RAP1GAP2: variants seen among roughly 807,000 people sequenced by gnomAD.
RAP1GAP2 encodes the protein RAP1 GTPase activating protein 2, also known as rap1 GTPase-activating protein 2.
A neutral mutation model predicts 95.0 loss-of-function variants in RAP1GAP2; 27 were observed. That is an observed-to-expected ratio of 0.28 (90% CI 0.21 to 0.39). The LOEUF is 0.39. Ranked by LOEUF, RAP1GAP2 falls within the 10% of genes least tolerant of loss-of-function variation. The pLI is 1.00. For missense variants in RAP1GAP2, 771 were observed against 970.0 expected (o/e 0.79, Z 2.72); for synonymous variants, 373 against 380.9 (o/e 0.98, Z 0.24).
intron 3 of RAP1GAP2, among the ~76,000 whole-genome samples, chr17:2,940,169 T>C (rs1186219480): frequency 6.6e-6 from 1 of 152,056 alleles, no homozygotes; most frequent in Non-Finnish European, 1.5e-5. Context: ...GTCACCTGGC[T>C]GGGAGCCCCG....
In RAP1GAP2 at chr17:2,943,133, C is replaced by T. The variant is rs1209516506; in HGVS notation, c.166-14626C>T. On this transcript the variant is annotated intron_variant, in intron 3 of 24. Transcript: ENST00000254695. The stretch of plus-strand genomic sequence containing the variant: ...TTAAGCAGTTACTCCCCACTTTCTC[C>T]TCCCCCCAAGCCCCTGACAATCACG... Among the ~76,000 whole-genome samples, 4 of 152,062 alleles carry T rather than the reference C, an allele frequency of 2.6e-5. No individual in the cohort carries two copies. In the South Asian group the frequency reaches 8.3e-4, roughly 32 times the overall value.
intron 1 of RAP1GAP2, among the ~76,000 whole-genome samples, chr17:2,783,108 C>T (rs2068696227): frequency 6.6e-6 from 1 of 152,320 alleles, no homozygotes; most frequent in South Asian, 2.1e-4. Context: ...TCCACAAGGT[C>T]ACACAGCTAG....
chr17:2,900,641 C>T (rs1304893872), intron 2 of RAP1GAP2, among the ~76,000 whole-genome samples: 1 of 152,128 alleles, frequency 6.6e-6, no homozygotes, highest in Non-Finnish European at 1.5e-5. Context: ...AGGGTTTCAC[C>T]ATGTTGGCCA....
At chr17:2,890,237 T>C (rs946790840) in intron 2 of RAP1GAP2, among the ~76,000 whole-genome samples, 1 of 152,134 alleles carries the variant, frequency 6.6e-6, no homozygotes, top group African/African-American at 2.4e-5. Context: ...GGAAAACAGC[T>C]TCATGCATTT....
chr17:2,769,019 G>C (rs1271966444), intron 1 of RAP1GAP2, among the ~76,000 whole-genome samples: 1 of 151,364 alleles, frequency 6.6e-6, no homozygotes, highest in African/African-American at 2.4e-5. Context: ...TTGAGGCCAG[G>C]AGTTCAAGAC....
rs2046283391 is a variant in RAP1GAP2, at chr17:3,004,819, T to A, written c.1201-550T>A. Among the ~76,000 whole-genome samples the A allele has an allele frequency of 6.6e-6, 1 of 152,222 alleles. No individual in the cohort carries two copies. The highest frequency in any genetic ancestry group is 6.5e-5 in the Admixed American group (1 of 15,290). On this transcript the variant is annotated intron_variant, in intron 14 of 24. Transcript: ENST00000254695. This position sits in a 1 kb window ranked among gnomAD's most constrained non-coding sequence, Gnocchi z 4.1. ...AGAGCCCATGAACCCAGTCTGTATT[T>A]TTAAACACCTGAAGCAATTTTGAAG...
chr17:2,850,232 C>A (rs980700936), intron 2 of RAP1GAP2, among the ~76,000 whole-genome samples: 2 of 150,426 alleles, frequency 1.3e-5, no homozygotes, highest in African/African-American at 4.9e-5. Context: ...GATCTCCTGA[C>A]CTCATGATCC....
intron 2 of RAP1GAP2, among the ~76,000 whole-genome samples, chr17:2,883,374 C>T (rs955333790): frequency 6.6e-6 from 1 of 152,206 alleles, no homozygotes; most frequent in African/African-American, 2.4e-5. Flanking sequence ...AGAAAGGCCT[C>T]GCCCAGCCTT....
rs773251575 is a variant in RAP1GAP2, at chr17:2,962,707, A to G, written c.239A>G (p.Lys80Arg). Residue 80 changes from lysine to arginine, a missense_variant, in exon 5 of 25, where the codon AAG becomes AGG. Coordinates refer to ENST00000254695, the MANE Select transcript of RAP1GAP2 (RefSeq NM_015085.5). ...KLEEQKPGPQ[K>R]NKDDYIPYPS... ...GAAGAGCAGAAGCCGGGACCCCAGA[A>G]GAACAAGGTGGGCTGGGTGGGTGAG... 3 of 1,595,332 alleles carry G rather than the reference A, an allele frequency of 1.9e-6. No individual in the cohort carries two copies. In the African/African-American group the frequency reaches 4.0e-5, roughly 21 times the overall value.
At chr17:2,885,998 C>G (rs886124459) in intron 2 of RAP1GAP2, among the ~76,000 whole-genome samples, 1 of 152,048 alleles carries the variant, frequency 6.6e-6, no homozygotes, top group East Asian at 1.9e-4. Context: ...GGGTTTGCCC[C>G]CTGGGGCCTC....
In RAP1GAP2 at chr17:2,849,315, T is replaced by G. The variant is rs1033453087; in HGVS notation, c.80+48765T>G. On this transcript the variant is annotated intron_variant, in intron 2 of 24. Transcript: ENST00000254695. ...CAATCCCAGCCCAGAACGGTGGCAG[T>G]CATTCTGCCCAGCAGTGGGGCGCTG... Among the ~76,000 whole-genome samples the G allele has an allele frequency of 2.0e-5, 3 of 152,254 alleles. No individual in the cohort carries two copies. The East Asian group carries it at 5.8e-4, about 29-fold the overall frequency.
chr17:2,886,694 G>T (rs1376343035), intron 2 of RAP1GAP2, among the ~76,000 whole-genome samples: 1 of 152,202 alleles, frequency 6.6e-6, no homozygotes, highest in African/African-American at 2.4e-5. Context: ...GTCTAGGTGG[G>T]TGTTTGCACG....
At chr17:2,783,299 C>T (rs2151451172) in intron 1 of RAP1GAP2, among the ~76,000 whole-genome samples, 1 of 152,294 alleles carries the variant, frequency 6.6e-6, no homozygotes, top group East Asian at 1.9e-4. Context: ...TCGGATCACC[C>T]TATTGTAAAT....
chr17:2,881,399 A>G (rs999948194), intron 2 of RAP1GAP2, among the ~76,000 whole-genome samples: 5 of 151,844 alleles, frequency 3.3e-5, no homozygotes, highest in Admixed American at 1.3e-4. Context: ...ATGGAATCAC[A>G]CAGTAGGTGG....
At chr17:2,765,961 C>A (rs927840938) in intron 1 of RAP1GAP2, among the ~76,000 whole-genome samples, 1 of 151,996 alleles carries the variant, frequency 6.6e-6, no homozygotes, top group Non-Finnish European at 1.5e-5. Context: ...AGAGTGAGAA[C>A]CTGTCTCCAA....
chr17:2,756,711 A>G (rs1463888804), intron 1 of RAP1GAP2, among the ~76,000 whole-genome samples: 1 of 152,100 alleles, frequency 6.6e-6, no homozygotes. Flanking sequence ...AATGAACAAT[A>G]ATGTCATCAA....
intron 2 of RAP1GAP2, among the ~76,000 whole-genome samples, chr17:2,882,807 T>C (rs555190823): frequency 2.6e-5 from 4 of 152,282 alleles, no homozygotes; most frequent in South Asian, 4.1e-4. Context: ...GAGGACTTTG[T>C]GATACCATGG....
At chr17:2,863,916 G>C (rs1177634539) in intron 2 of RAP1GAP2, among the ~76,000 whole-genome samples, 1 of 152,130 alleles carries the variant, frequency 6.6e-6, no homozygotes, top group African/African-American at 2.4e-5. Context: ...GCCAGGCGTG[G>C]TGGTGGGTGC....
intron 2 of RAP1GAP2, among the ~76,000 whole-genome samples, chr17:2,831,158 A>G (rs376948029): frequency 1.6e-5 from 2 of 126,160 alleles, no homozygotes; most frequent in African/African-American, 3.1e-5. Context: ...GCTCACTGCA[A>G]CCTCTGCCTC....
Sources: allele counts gnomAD v4.1 joint callset (sites outside exome capture counted in the v4.1 genomes callset), GRCh38; gene constraint gnomAD v4.1.1; non-coding constraint Gnocchi (gnomAD v3.1); transcripts MANE v1.5; gene names NCBI Gene and HGNC (gene_info 2026-07-23, HGNC 2026-07-21).